RBBP8NL: variants seen among roughly 807,000 people sequenced by gnomAD.
RBBP8NL encodes the protein RBBP8 N-terminal-like protein.
In RBBP8NL, 59 loss-of-function variants were observed where a neutral mutation model predicts 62.2. The ratio of observed to expected loss-of-function variants is 0.95; its 90% CI spans 0.77 to 1.18. The LOEUF (loss-of-function observed/expected upper bound fraction) is 1.18. Among genes scored for constraint, RBBP8NL ranks in the 50% most tolerant of loss-of-function variants. RBBP8NL has a pLI of 0.00. For synonymous variants in RBBP8NL, 412 were observed against 394.1 expected (o/e 1.05, Z -0.54); for missense variants, 896 against 899.5 (o/e 1.00, Z 0.05).
chr20:62,411,135 C>T (rs1988425444), intron 13 of RBBP8NL, 139 bp from the exon 14 acceptor site: 1 of 662,418 alleles, frequency 1.5e-6, no homozygotes, highest in Non-Finnish European at 2.7e-6. Flanking sequence ...CACCCTTGTT[C>T]CTACAGAAAC....
rs989087982 is a variant in RBBP8NL, at chr20:62,419,582, C to T, written c.61+5G>A. On this transcript the variant is annotated splice_donor_5th_base_variant and intron_variant, in intron 2 of 13. Coordinates refer to ENST00000252998, the MANE Select transcript of RBBP8NL (RefSeq NM_080833.3). ...CTAGCCTGGCATCTGTCCCTGGCCC[C>T]TCACCCAGGACTTCCTTCTCGTGGA... is the stretch of plus-strand genomic sequence containing the variant. The T allele has an allele frequency of 4.3e-6, 7 of 1,613,474 alleles. No individual in the cohort carries two copies. Among genetic ancestry groups the T allele is most frequent in the Non-Finnish European group, 3.4e-6 (4 of 1,179,842 alleles).
chr20:62,425,348 C>T (rs1033611249), intron 1 of RBBP8NL, among the ~76,000 whole-genome samples: 3 of 152,322 alleles, frequency 2.0e-5, no homozygotes, highest in South Asian at 2.1e-4. Context: ...GCCCTCCCCA[C>T]GCTCAGGGCA....
chr20:62,413,530 G>T lies in RBBP8NL; in HGVS notation c.1546C>A (p.Leu516Ile). The stretch of plus-strand genomic sequence containing the variant: ...GACAGGCTGAGCTGGGACCCTGGAA[G>T]TGGGCGTGAGGGGTCCTGGGGGGAG... ...ASTPMDPSRP[L>I]PGSQLSLSSP... Residue 516 changes from leucine (L) to isoleucine (I), a missense_variant, in exon 11 of 14, where the codon CTT becomes ATT. By Grantham distance (5) the Leu-to-Ile change is conservative. Transcript: ENST00000252998. 7.2e-6 allele frequency: 11 copies of T among 1,523,618 alleles called. No individual in the cohort carries two copies. Among genetic ancestry groups the T allele is most frequent in the East Asian group, 2.4e-5 (1 of 41,194 alleles). 94.4% of individuals were successfully genotyped at this position (1,523,618 alleles called of 1,614,324 possible).
In RBBP8NL at chr20:62,412,747, G is replaced by A. The variant is rs777131772; in HGVS notation, c.1753C>T (p.Leu585=). The change falls in exon 13 of 14, where the codon CTG becomes TTG. Residue 585 remains leucine, a synonymous_variant. Coordinates refer to ENST00000252998, the MANE Select transcript of RBBP8NL (RefSeq NM_080833.3). The part of the protein sequence containing the change: ...ETDTPGSEVG[L]SSQAEATTST... Reference sequence around the variant, plus strand: ...GTAGTGGCCTCCGCCTGGGAGCTCAGGCCCACCTGGGGAGAAGGGGGTGTG... The same window carrying A: ...GTAGTGGCCTCCGCCTGGGAGCTCAAGCCCACCTGGGGAGAAGGGGGTGTG... 1.9e-6 allele frequency: 3 copies of A among 1,612,402 alleles called. No individual in the cohort carries two copies. Among genetic ancestry groups the A allele is most frequent in the East Asian group, 2.2e-5 (1 of 44,886 alleles).
chr20:62,419,233 A>C (rs972586851), intron 2 of RBBP8NL, among the ~76,000 whole-genome samples: 1 of 152,136 alleles, frequency 6.6e-6, no homozygotes, highest in Non-Finnish European at 1.5e-5. Context: ...GCCACGCTGG[A>C]GGCCGGCCCA....
intron 1 of RBBP8NL, among the ~76,000 whole-genome samples, chr20:62,421,164 C>T (rs1601490316): frequency 6.6e-6 from 1 of 152,384 alleles, no homozygotes; most frequent in African/African-American, 2.4e-5. Context: ...GCAGTTCAGA[C>T]TTCTTCACCG....
chr20:62,422,698 C>T lies in RBBP8NL; in HGVS notation c.-83-2968G>A, dbSNP rs570078380. 6.1e-3 allele frequency among the ~76,000 whole-genome samples: 599 copies of T among 98,648 alleles called. 5 individuals carry two copies. The highest frequency in any genetic ancestry group is 0.011 in the Admixed American group (97 of 8,542). 64.7% of individuals were successfully genotyped at this position (98,648 alleles called of 152,430 possible). On this transcript the variant is annotated intron_variant, in intron 1 of 13. Coordinates refer to ENST00000252998, the MANE Select transcript of RBBP8NL (RefSeq NM_080833.3). ...CCGGGGTGGGGATGGTGACTGGAGC[C>T]ACTTGGAAGGAGGGTGTCCTAACTC...
intron 1 of RBBP8NL, among the ~76,000 whole-genome samples, chr20:62,424,889 C>T (rs554939434): frequency 2.6e-5 from 4 of 152,274 alleles, no homozygotes; most frequent in South Asian, 4.1e-4. Context: ...GTGCACCCCC[C>T]CCACCCGCTG....
rs1186582433 is a variant in RBBP8NL at position 62,412,618 on chromosome 20, C to T, written c.1876+6G>A. 5.0e-6 allele frequency: 8 copies of T among 1,602,756 alleles called. No homozygotes were observed. Among genetic ancestry groups the T allele is most frequent in the Non-Finnish European group, 6.8e-6 (8 of 1,179,646 alleles). On this transcript the variant is annotated splice_donor_region_variant and intron_variant, in intron 13 of 13. Coordinates refer to ENST00000252998, the MANE Select transcript of RBBP8NL (RefSeq NM_080833.3). ...CTTCCCTGCACCTGCCCCATGCCAG[C>T]TGTACCTTTGTCCCCAGGCTCCGAG...
chr20:62,418,947 C>T (rs1341269619), intron 2 of RBBP8NL, among the ~76,000 whole-genome samples: 2 of 152,152 alleles, frequency 1.3e-5, no homozygotes, highest in Non-Finnish European at 2.9e-5. Context: ...GGTCCTTGGA[C>T]CTCCAGGTGG....
intron 3 of RBBP8NL, 70 bp downstream of exon 3, chr20:62,418,353 C>T (rs1486732448): frequency 3.5e-6 from 5 of 1,419,212 alleles, no homozygotes; most frequent in Non-Finnish European, 3.9e-6. Flanking sequence ...TGCTGGCACA[C>T]TGGGGCTTCA....
At chr20:62,411,228 C>G (rs1988427777) in intron 13 of RBBP8NL, among the ~76,000 whole-genome samples, 1 of 152,218 alleles carries the variant, frequency 6.6e-6, no homozygotes, top group African/African-American at 2.4e-5. Flanking sequence ...CATTGTGTGA[C>G]CCCGAACACG....
intron 9 of RBBP8NL, 75 bp from the exon 10 acceptor site, chr20:62,414,631 G>T (rs551981861): frequency 1.5e-6 from 2 of 1,377,610 alleles, no homozygotes; most frequent in African/African-American, 2.9e-5. Context: ...GAGAGGGAGA[G>T]ACGACAGGCA....
chr20:62,410,553 G>GA lies in RBBP8NL; in HGVS notation c.*324dup. On this transcript the variant is annotated 3_prime_UTR_variant, in exon 14 of 14. Transcript: ENST00000252998. ...GTGCTGGGCTGTGGGAGGGGCCGCA[G>GA]AGCATTTCCCAGGTGGGTGGAGACG... 1 of 367,298 alleles carries GA rather than the reference G, an allele frequency of 2.7e-6. No homozygotes were observed. The highest frequency in any genetic ancestry group is 5.0e-6 in the Non-Finnish European group (1 of 201,610). 22.8% of individuals were successfully genotyped at this position (367,298 alleles called of 1,614,324 possible).
chr20:62,426,957 G>A (rs755876788), intron 1 of RBBP8NL, among the ~76,000 whole-genome samples: 11 of 152,268 alleles, frequency 7.2e-5, no homozygotes, highest in Non-Finnish European at 1.3e-4. Flanking sequence ...CCGTGGGGGA[G>A]GGGGTTGAGC....
In RBBP8NL at chr20:62,413,892, T is replaced by G; in HGVS notation, c.1459A>C (p.Ser487Arg). 2 of 1,594,518 alleles carry G rather than the reference T, an allele frequency of 1.3e-6. No homozygotes were observed. Among genetic ancestry groups the G allele is most frequent in the Non-Finnish European group, 1.7e-6 (2 of 1,171,262 alleles). The change falls in exon 10 of 14, where the codon AGT becomes CGT. Residue 487 changes from serine (S) to arginine (R), a missense_variant. Physicochemically the swap from Ser to Arg is moderately radical, Grantham distance 110. Transcript: ENST00000252998. ...GTGCCATTGCTGAGTGCCTGGGGAC[T>G]GCGAGTCAGGGGTCCGGACTGGGTG... ...PPTQSGPLTR[S>R]PQALSNGTKG...
intron 1 of RBBP8NL, among the ~76,000 whole-genome samples, chr20:62,422,287 C>T (rs1988717536): frequency 6.6e-6 from 1 of 152,032 alleles, no homozygotes; most frequent in Admixed American, 6.5e-5. Context: ...TTCTACAGAA[C>T]CGTCCCGAAC....
rs76137593 is a variant in RBBP8NL, at chr20:62,413,993, T to C, written c.1358A>G (p.Gln453Arg). 3.7e-5 allele frequency: 58 copies of C among 1,570,506 alleles called. No homozygotes were observed. The East Asian group carries it at 1.3e-3, about 36-fold the overall frequency. ...CTGGCCGGCCGGCTTGGGAGTGTCCTGGCCCCGGGCCCGGCCCCACTCCGA... is the reference window on the plus strand; with the variant it reads ...CTGGCCGGCCGGCTTGGGAGTGTCCCGGCCCCGGGCCCGGCCCCACTCCGA... ...DLSEWGRARG[Q>R]DTPKPAGQHG... Residue 453 changes from glutamine (Q) to arginine (R), a missense_variant, in exon 10 of 14, where the codon CAG (glutamine) becomes CGG (arginine). Gln to Arg is a conservative substitution (Grantham distance 43). Coordinates refer to ENST00000252998, the MANE Select transcript of RBBP8NL (RefSeq NM_080833.3).
At chr20:62,417,789 C>T (rs768896094) in intron 3 of RBBP8NL, among the ~76,000 whole-genome samples, 67 of 98,038 alleles carry the variant, frequency 6.8e-4, no homozygotes, top group Non-Finnish European at 1.1e-3. Context: ...GTCATCTGCA[C>T]GCTCCTCTGT....
Sources: allele counts gnomAD v4.1 joint callset (sites outside exome capture counted in the v4.1 genomes callset), GRCh38; gene constraint gnomAD v4.1.1; transcripts MANE v1.5; gene names NCBI Gene and HGNC (gene_info 2026-07-23, HGNC 2026-07-21).